Variants in PPM1H observed in about 807,000 individuals in gnomAD.
PPM1H encodes the protein protein phosphatase, Mg2+/Mn2+ dependent 1H.
A neutral mutation model predicts 54.9 loss-of-function variants in PPM1H; 27 were observed. The observed-to-expected ratio is 0.49, with a 90% CI of 0.36 to 0.68. PPM1H has a LOEUF of 0.68. Ranked by LOEUF, PPM1H falls within the 30% of genes least tolerant of loss-of-function variation. PPM1H has a pLI of 0.00. For synonymous variants in PPM1H, 305 were observed against 270.8 expected, an observed-to-expected ratio of 1.13 and a Z score of -1.24; for missense variants, 596 against 667.8, an observed-to-expected ratio of 0.89 and a Z score of 1.19.
At chr12:62,821,230 TAA>T (rs2076901690) in intron 2 of PPM1H, among the ~76,000 whole-genome samples, 1 of 151,764 alleles carries the variant, frequency 6.6e-6, no homozygotes, top group Non-Finnish European at 1.5e-5. Context: ...GAAAAAAAAG[TAA>T]AAAGAAATGA....
chr12:62,855,708 A>G (rs773804009), intron 1 of PPM1H, among the ~76,000 whole-genome samples: 8 of 152,168 alleles, frequency 5.3e-5, no homozygotes, highest in Non-Finnish European at 1.0e-4. Flanking sequence ...GGGCCTGTGA[A>G]TGAACTGTCA....
At position 62,805,498 on chromosome 12, in the gene PPM1H, A is replaced by C. The variant is rs908909738; in HGVS notation, c.412-3338T>G. Among the ~76,000 whole-genome samples, 48 of 152,362 alleles carry C rather than the reference A, an allele frequency of 3.2e-4. 1 individual carries two copies. Among genetic ancestry groups the C allele is most frequent in the African/African-American group, 1.2e-3 (48 of 41,584 alleles). On this transcript the variant is annotated intron_variant, in intron 2 of 9. Transcript: ENST00000228705. Reference sequence around the variant, plus strand: ...AAAATGTGGTGTATATTATTTACATACAATAAGATATTATTCAGCCACAAA... The same window carrying C: ...AAAATGTGGTGTATATTATTTACATCCAATAAGATATTATTCAGCCACAAA...
chr12:62,883,798 A>T (rs878986395), intron 1 of PPM1H, among the ~76,000 whole-genome samples: 3 of 152,110 alleles, frequency 2.0e-5, no homozygotes, highest in Non-Finnish European at 4.4e-5. Context: ...ACCCAAACCA[A>T]CAATTCAAAG....
chr12:62,913,428 T>G (rs1336440161), intron 1 of PPM1H, among the ~76,000 whole-genome samples: 1 of 152,070 alleles, frequency 6.6e-6, no homozygotes, highest in Non-Finnish European at 1.5e-5. Context: ...GTGGAAGCAA[T>G]GCATGGAGAG....
intron 1 of PPM1H, among the ~76,000 whole-genome samples, chr12:62,868,093 A>G (rs1054496219): frequency 6.6e-6 from 1 of 152,166 alleles, no homozygotes; most frequent in Non-Finnish European, 1.5e-5. Context: ...TGCCAAATGC[A>G]TGATAACTGC....
chr12:62,863,279 C>G (rs1869666818), intron 1 of PPM1H, among the ~76,000 whole-genome samples: 1 of 152,062 alleles, frequency 6.6e-6, no homozygotes, highest in Non-Finnish European at 1.5e-5. Context: ...TCCCCCTGCT[C>G]TCACCTCCCA....
chr12:62,804,253 T>G (rs2076790514), intron 2 of PPM1H, among the ~76,000 whole-genome samples: 2 of 151,952 alleles, frequency 1.3e-5, no homozygotes, highest in African/African-American at 4.8e-5. Context: ...ACTCAGAAAG[T>G]TGAAATGGGA....
At position 62,689,672 on chromosome 12, in the gene PPM1H, A is replaced by C. The variant is rs1323971480; in HGVS notation, c.1245+27T>G. The C allele has an allele frequency of 2.5e-6, 4 of 1,577,480 alleles. No individual in the cohort carries two copies. The South Asian group carries it at 4.5e-5, about 18-fold the overall frequency. ...ACGCCGAAAATGTTTTATTGCACAA[A>C]ATATAAACAAAAACCTCATGCGGTA... On this transcript the variant is annotated intron_variant, in intron 8 of 9. Transcript: ENST00000228705.
intron 5 of PPM1H, among the ~76,000 whole-genome samples, chr12:62,721,219 A>G (rs576510365): frequency 1.7e-4 from 26 of 152,160 alleles, no homozygotes; most frequent in Admixed American, 7.2e-4. Context: ...TCTTACAGCT[A>G]CTTTGCTAGG....
chr12:62,921,917 A>G (rs1419205173), intron 1 of PPM1H, among the ~76,000 whole-genome samples: 1 of 152,230 alleles, frequency 6.6e-6, no homozygotes, highest in African/African-American at 2.4e-5. Flanking sequence ...CAGAATTCCT[A>G]AGTACATTTC....
intron 9 of PPM1H, among the ~76,000 whole-genome samples, chr12:62,666,888 A>AT: frequency 6.6e-6 from 1 of 152,104 alleles, no homozygotes; most frequent in East Asian, 1.9e-4. Flanking sequence ...TAATTTTTGT[A>AT]TTTTTAGTAG....
intron 5 of PPM1H, among the ~76,000 whole-genome samples, chr12:62,737,237 A>G (rs1358139276): frequency 2.0e-5 from 3 of 152,012 alleles, no homozygotes; most frequent in Admixed American, 6.6e-5. Flanking sequence ...AAAAAACAAA[A>G]AAAACAAAAC....
rs150367828 is a variant in PPM1H, at chr12:62,702,705, G to A, written c.1074-8706C>T. 3.3e-5 allele frequency among the ~76,000 whole-genome samples: 5 copies of A among 152,258 alleles called. No individual in the cohort carries two copies. In the East Asian group the frequency reaches 9.7e-4, roughly 29 times the overall value. ...GGGGACCCTATTATGCTCCCTTCGG[G>A]GACAGCATAATCTCAACAATTCACT... On this transcript the variant is annotated intron_variant, in intron 6 of 9. Coordinates refer to ENST00000228705, the MANE Select transcript of PPM1H (RefSeq NM_020700.2).
chr12:62,807,665 T>C (rs1436524519), intron 2 of PPM1H, among the ~76,000 whole-genome samples: 1 of 152,132 alleles, frequency 6.6e-6, no homozygotes, highest in Non-Finnish European at 1.5e-5. Flanking sequence ...AATGAGATGT[T>C]AAAATCTTCA....
In PPM1H at chr12:62,773,964, G is replaced by A. The variant is rs141738334; in HGVS notation, c.869+14262C>T. On this transcript the variant is annotated intron_variant, in intron 4 of 9. Coordinates refer to ENST00000228705, the MANE Select transcript of PPM1H (RefSeq NM_020700.2). ...ATGCCTAACCTAACAAGATTGAAGG[G>A]AAGAAAATGGATCATAGCCTGCAGG... 1.2e-3 allele frequency among the ~76,000 whole-genome samples: 183 copies of A among 152,276 alleles called. 1 individual carries two copies. Among genetic ancestry groups the A allele is most frequent in the Non-Finnish European group, 2.2e-3 (150 of 68,014 alleles).
intron 2 of PPM1H, among the ~76,000 whole-genome samples, chr12:62,831,620 C>A (rs1371035797): frequency 6.6e-6 from 1 of 151,790 alleles, no homozygotes; most frequent in Non-Finnish European, 1.5e-5. Context: ...GCCAGAGTTA[C>A]TTCCACCCCT....
At chr12:62,823,271 A>G (rs2076915414) in intron 2 of PPM1H, among the ~76,000 whole-genome samples, 1 of 152,286 alleles carries the variant, frequency 6.6e-6, no homozygotes, top group Admixed American at 6.5e-5. Context: ...CAACCAAAGA[A>G]AGTCCAGAAC....
rs576224412 is a variant in PPM1H at position 62,670,431 on chromosome 12, C to T, written c.1246-3102G>A. The stretch of plus-strand genomic sequence containing the variant: ...ACAGGAGATTCCATTTGCCTTGCAG[C>T]TTCTTCTAAAAGAGAGGGTTCAGGT... On this transcript the variant is annotated intron_variant, in intron 8 of 9. Transcript: ENST00000228705. Among the ~76,000 whole-genome samples the T allele has an allele frequency of 2.6e-5, 4 of 152,288 alleles. No homozygotes were observed. In the South Asian group the frequency reaches 8.3e-4, roughly 32 times the overall value.
At chr12:62,725,178 C>A (rs1483170893) in intron 5 of PPM1H, among the ~76,000 whole-genome samples, 2 of 152,192 alleles carry the variant, frequency 1.3e-5, no homozygotes, top group African/African-American at 4.8e-5. Context: ...TAGTTGGATC[C>A]AGTGATGCTT....
Sources: gnomAD v4.1 joint callset for allele counts (sites outside exome capture counted in the v4.1 genomes callset) on GRCh38, gnomAD v4.1.1 for gene constraint, MANE v1.5 for transcripts, NCBI Gene and HGNC (gene_info 2026-07-23, HGNC 2026-07-21) for gene names.